The following SBNO2 variants were observed in gnomAD, a reference collection of about 807,000 sequenced individuals.
SBNO2 encodes the protein strawberry notch homolog 2.
In SBNO2, 89 loss-of-function variants were observed where a neutral mutation model predicts 146.3. The observed-to-expected ratio is 0.61, with a 90% CI of 0.51 to 0.73. The LOEUF (loss-of-function observed/expected upper bound fraction) is 0.73. SBNO2 is among the 30% of genes least tolerant of loss of function. The pLI is 0.00. For missense variants in SBNO2, 2,092 were observed against 2,003.7 expected (o/e 1.04, Z -0.84); for synonymous variants, 1,147 against 892.6 (o/e 1.29, Z -5.08).
At chr19:1,160,178 G>C (rs60634368) in intron 1 of SBNO2, among the ~76,000 whole-genome samples, 32,440 of 152,160 alleles carry the variant, frequency 0.21, 4,085 homozygotes, top group East Asian at 0.44. Flanking sequence ...CAGCGAGGCT[G>C]AGGGAGCGGG....
At chr19:1,132,285 C>G (rs1390327427) in intron 4 of SBNO2, 10 of 1,311,886 alleles carry the variant, frequency 7.6e-6, no homozygotes, top group Non-Finnish European at 9.7e-6. Context: ...GGTTTAGTCA[C>G]CGCCGCCGGC....
At chr19:1,111,643 G>A (rs1311882064) in intron 23 of SBNO2, 29 bp from the exon 24 acceptor site, 1 of 1,514,670 alleles carries the variant, frequency 6.6e-7, no homozygotes, top group Non-Finnish European at 9.0e-7. Context: ...TCGGGGAGGA[G>A]GCCCAGGGAG....
intron 1 of SBNO2, among the ~76,000 whole-genome samples, chr19:1,169,585 C>T (rs2080458442): frequency 1.3e-5 from 2 of 152,156 alleles, no homozygotes; most frequent in African/African-American, 4.8e-5. Context: ...GCGAGGGGCC[C>T]CCGGGGGGTG....
At chr19:1,139,570 G>A (rs2080116430) in intron 4 of SBNO2, among the ~76,000 whole-genome samples, 2 of 152,130 alleles carry the variant, frequency 1.3e-5, no homozygotes, top group Admixed American at 1.3e-4. Flanking sequence ...CGAGGCGGAT[G>A]GATCACCTGA....
chr19:1,144,571 G>A lies in SBNO2; in HGVS notation c.279+2738C>T, dbSNP rs1481849732. ...AGACATGGAGAGAGACAGAGACAGG[G>A]AGACAGAGACGCAGAGACATAGAGA... On this transcript the variant is annotated intron_variant, in intron 4 of 31. Transcript: ENST00000361757. This position sits in a 1 kb window ranked among gnomAD's most constrained non-coding sequence, Gnocchi z 4.1. 1.3e-5 allele frequency among the ~76,000 whole-genome samples: 2 copies of A among 152,044 alleles called. No individual in the cohort carries two copies. The highest frequency in any genetic ancestry group is 2.9e-5 in the Non-Finnish European group (2 of 68,006).
chr19:1,120,727 G>A (rs1293264291), intron 11 of SBNO2, among the ~76,000 whole-genome samples: 6 of 151,978 alleles, frequency 3.9e-5, no homozygotes, highest in African/African-American at 1.2e-4. Flanking sequence ...GGAATGCAGC[G>A]GCGCGATCTC....
intron 18 of SBNO2, 73 bp downstream of exon 18, chr19:1,114,158 C>T (rs1402407317): frequency 2.3e-6 from 3 of 1,320,168 alleles, no homozygotes; most frequent in East Asian, 5.9e-5. Context: ...GGAATCCTGA[C>T]CCAGAGGTGG....
At chr19:1,159,581 C>T (rs1183116673) in intron 1 of SBNO2, among the ~76,000 whole-genome samples, 3 of 54,050 alleles carry the variant, frequency 5.6e-5, no homozygotes. Context: ...GGGGGAAGAG[C>T]AGGGGACAGT....
chr19:1,144,273 C>T lies in SBNO2; in HGVS notation c.279+3036G>A, dbSNP rs967864434. Among the ~76,000 whole-genome samples, 2 of 152,194 alleles carry T rather than the reference C, an allele frequency of 1.3e-5. No individual in the cohort carries two copies. The highest frequency in any genetic ancestry group is 1.3e-4 in the Admixed American group (2 of 15,264). On this transcript the variant is annotated intron_variant, in intron 4 of 31. Transcript: ENST00000361757. This position sits in a 1 kb window ranked among gnomAD's most constrained non-coding sequence, Gnocchi z 4.1. ...CCACACTCAGCACTGGGGGACCACG[C>T]GGCCCGGCCCACACTTGGCACCGGG...
At chr19:1,111,707 C>T in intron 23 of SBNO2, 93 bp from the exon 24 acceptor site, 3 of 739,040 alleles carry the variant, frequency 4.1e-6, no homozygotes, top group East Asian at 3.8e-5. Context: ...CTCCCCTAGG[C>T]CCCTGGACCC....
intron 2 of SBNO2, among the ~76,000 whole-genome samples, chr19:1,151,494 C>G (rs924462586): frequency 6.6e-6 from 1 of 152,234 alleles, no homozygotes; most frequent in Non-Finnish European, 1.5e-5. Flanking sequence ...CCGAGTCCCA[C>G]CCCACAGGGG....
chr19:1,121,992 C>G, intron 11 of SBNO2, 147 bp downstream of exon 11: 2 of 654,894 alleles, frequency 3.1e-6, no homozygotes. Context: ...TCCAGCCCTT[C>G]CCCAGCCCCA....
Position 1,108,004 on chromosome 19 carries a change from C to T in SBNO2, c.*216G>A, listed in dbSNP as rs77713466. 8.2e-4 allele frequency: 306 copies of T among 374,972 alleles called. 1 individual carries two copies. The highest frequency in any genetic ancestry group is 6.1e-3 in the African/African-American group (279 of 45,748). The allele number at this position is 374,972 out of a possible 1,614,324, so 23.2% of individuals were successfully genotyped here. On this transcript the variant is annotated 3_prime_UTR_variant, in exon 32 of 32. Coordinates refer to ENST00000361757, the MANE Select transcript of SBNO2 (RefSeq NM_014963.3). The stretch of plus-strand genomic sequence containing the variant: ...CCCTTCCTACTTGGGAGGAGAGGCA[C>T]AGAGAGGGCCCTGCCACGCCCCGGC...
Position 1,108,160 on chromosome 19 carries a change from C to T in SBNO2, c.*60G>A. 6.9e-7 allele frequency: 1 copy of T among 1,458,846 alleles called. No homozygotes were observed. Among genetic ancestry groups the T allele is most frequent in the East Asian group, 3.1e-5 (1 of 32,618 alleles). 90.4% of individuals were successfully genotyped at this position (1,458,846 alleles called of 1,614,324 possible). A position where few individuals can be genotyped will look rare whatever the true frequency, so the allele number is the denominator to read the frequency against. ...AGGGGACCTTGGCCCTGCTCCCCAC[C>T]GCTGCTCCTAGGGGAGAAACGGTCC... On this transcript the variant is annotated 3_prime_UTR_variant, in exon 32 of 32. Coordinates refer to ENST00000361757, the MANE Select transcript of SBNO2 (RefSeq NM_014963.3).
chr19:1,109,719 G>A lies in SBNO2; in HGVS notation c.3087C>T (p.Pro1029=), dbSNP rs759717485. 1.1e-5 allele frequency: 18 copies of A among 1,607,240 alleles called. No individual in the cohort carries two copies. The Admixed American group carries it at 1.2e-4, about 10-fold the overall frequency. Residue 1029 remains proline, a synonymous_variant, in exon 27 of 32, where the codon CCC becomes CCT. Coordinates refer to ENST00000361757, the MANE Select transcript of SBNO2 (RefSeq NM_014963.3). This position sits in a 1 kb window ranked among gnomAD's most constrained non-coding sequence, Gnocchi z 4.2. ...YEESQQVFLA[P]GHPQDGQVVF... is the part of the protein sequence containing the mutation. ...CCACCTGCCCGTCCTGCGGGTGCCC[G>A]GGAGCCAGGAACACCTGCTGGCTCT...
At chr19:1,146,701 C>A (rs952312307) in intron 4 of SBNO2, among the ~76,000 whole-genome samples, 1 of 148,422 alleles carries the variant, frequency 6.7e-6, no homozygotes, top group Non-Finnish European at 1.5e-5. Flanking sequence ...CACTGGGAAC[C>A]CCTTGGGGAA....
rs1000042851 is a variant in SBNO2 at position 1,108,824 on chromosome 19, G to A, written c.3571C>T (p.Leu1191=). The change falls in exon 31 of 32, where the codon CTG becomes TTG. Residue 1191 remains leucine, a synonymous_variant. Coordinates refer to ENST00000361757, the MANE Select transcript of SBNO2 (RefSeq NM_014963.3). ...VMADVSSSSY[L]QIVRLKTKDR... ...TTGGTCTTCAGCCGCACGATCTGCA[G>A]GTAGCTGCTGCTGCTGACGTCGGCC... 6.2e-7 allele frequency: 1 copy of A among 1,602,630 alleles called. No homozygotes were observed. Among genetic ancestry groups the A allele is most frequent in the Non-Finnish European group, 8.5e-7 (1 of 1,178,982 alleles).
intron 4 of SBNO2, among the ~76,000 whole-genome samples, chr19:1,139,645 A>C (rs765344915): frequency 3.3e-4 from 50 of 152,208 alleles, no homozygotes; most frequent in South Asian, 1.0e-3. Context: ...AAATACAAAA[A>C]TCAGCTGGGC....
chr19:1,120,926 C>G (rs1399622624), intron 11 of SBNO2, among the ~76,000 whole-genome samples: 1 of 151,076 alleles, frequency 6.6e-6, no homozygotes, highest in Admixed American at 6.6e-5. Context: ...CAGTCTCGCT[C>G]TGTCGCCTGG....
Sources: gnomAD v4.1 joint callset for allele counts (sites outside exome capture counted in the v4.1 genomes callset) on GRCh38, gnomAD v4.1.1 for gene constraint, Gnocchi (gnomAD v3.1) non-coding constraint, MANE v1.5 for transcripts, NCBI Gene and HGNC (gene_info 2026-07-23, HGNC 2026-07-21) for gene names.